ZNF385B: variants seen among roughly 807,000 people sequenced by gnomAD.
The protein encoded by ZNF385B is zinc finger protein 533.
Under a neutral mutation model 39.2 loss-of-function variants are expected in ZNF385B, and 23 were observed. The observed-to-expected ratio is 0.59, with a 90% CI of 0.42 to 0.83. The LOEUF is 0.83. Among genes scored for constraint, ZNF385B ranks in the 40% least tolerant of loss-of-function variants. The pLI is 0.00. For synonymous variants in ZNF385B, 205 were observed against 222.6 expected (o/e 0.92, Z 0.70); for missense variants, 552 against 598.9 (o/e 0.92, Z 0.82).
chr2:179,831,156 C>A (rs1707962456), intron 1 of ZNF385B, among the ~76,000 whole-genome samples: 1 of 152,130 alleles, frequency 6.6e-6, no homozygotes, highest in Non-Finnish European at 1.5e-5. Context: ...ATTGTATGGA[C>A]TTCCTTTTCC....
intron 1 of ZNF385B, among the ~76,000 whole-genome samples, chr2:179,792,192 T>C (rs1016537733): frequency 2.0e-5 from 3 of 152,142 alleles, no homozygotes; most frequent in Admixed American, 2.0e-4. Flanking sequence ...GATAACTCTA[T>C]GTTCTGTTAT....
chr2:179,585,665 A>G (rs1687006759), intron 3 of ZNF385B, among the ~76,000 whole-genome samples: 1 of 152,232 alleles, frequency 6.6e-6, no homozygotes, highest in South Asian at 2.1e-4. Context: ...TCTTGGAATA[A>G]TTGACTCATG....
chr2:179,446,377 A>T (rs1487419611), intron 7 of ZNF385B, 148 bp downstream of exon 7: 2 of 1,114,238 alleles, frequency 1.8e-6, no homozygotes, highest in African/African-American at 1.6e-5. Context: ...TCATATGATC[A>T]TACTTTTCTA....
chr2:179,561,141 A>G (rs541928665), intron 3 of ZNF385B, among the ~76,000 whole-genome samples: 1 of 152,316 alleles, frequency 6.6e-6, no homozygotes, highest in African/African-American at 2.4e-5. Flanking sequence ...TTTTACATAT[A>G]TTTTACACAC....
intron 3 of ZNF385B, among the ~76,000 whole-genome samples, chr2:179,736,031 TA>T (rs372732920): frequency 0.025 from 3,729 of 151,372 alleles, 64 homozygotes; most frequent in Non-Finnish European, 0.034. Context: ...AGTATAATAA[TA>T]AAAAAAAGCC....
intron 3 of ZNF385B, among the ~76,000 whole-genome samples, chr2:179,575,929 T>C (rs1368388844): frequency 6.6e-6 from 1 of 152,142 alleles, no homozygotes; most frequent in Non-Finnish European, 1.5e-5. Flanking sequence ...TCCTCAAGGG[T>C]TCATTTTAAA....
At chr2:179,548,137 T>C (rs1279395746) in intron 3 of ZNF385B, among the ~76,000 whole-genome samples, 2 of 149,798 alleles carry the variant, frequency 1.3e-5, no homozygotes, top group African/African-American at 5.0e-5. Flanking sequence ...CTTCAGTTTT[T>C]TCCAAATATA....
chr2:179,459,657 A>T lies in ZNF385B; in HGVS notation c.716-12887T>A, dbSNP rs1015580059. On this transcript the variant is annotated intron_variant, in intron 6 of 9. Transcript: ENST00000410066. ...TATATATACAAATGTATTTTAATTA[A>T]TTTAAATGTAAATCTTAATTTATAA... Among the ~76,000 whole-genome samples, 52 of 151,608 alleles carry T rather than the reference A, an allele frequency of 3.4e-4. 1 individual carries two copies. The highest frequency in any genetic ancestry group is 4.4e-5 in the Non-Finnish European group (3 of 67,908).
intron 4 of ZNF385B, among the ~76,000 whole-genome samples, chr2:179,538,998 T>C (rs2059752533): frequency 6.6e-6 from 1 of 152,256 alleles, no homozygotes; most frequent in Admixed American, 6.5e-5. Context: ...GTACACAATG[T>C]GCAGGTGCTA....
intron 3 of ZNF385B, among the ~76,000 whole-genome samples, chr2:179,566,659 A>G (rs966109909): frequency 1.3e-5 from 2 of 152,206 alleles, no homozygotes; most frequent in Admixed American, 6.5e-5. Context: ...TAAAGTCCAC[A>G]TATTTGAATT....
intron 1 of ZNF385B, among the ~76,000 whole-genome samples, chr2:179,855,388 CT>C (rs1179285580): frequency 6.6e-6 from 1 of 152,164 alleles, no homozygotes; most frequent in Admixed American, 6.5e-5. Flanking sequence ...GAATTTCAAT[CT>C]TTTTTACTTG....
intron 3 of ZNF385B, among the ~76,000 whole-genome samples, chr2:179,703,041 C>G (rs1699327312): frequency 6.6e-6 from 1 of 152,264 alleles, no homozygotes; most frequent in Non-Finnish European, 1.5e-5. Context: ...CTTTTCAACA[C>G]AGTAGCCAGG....
At chr2:179,678,125 A>C (rs1004625508) in intron 3 of ZNF385B, among the ~76,000 whole-genome samples, 35 of 152,302 alleles carry the variant, frequency 2.3e-4, no homozygotes, top group African/African-American at 8.4e-4. Context: ...AATATCTGTG[A>C]TTCCCTTCAC....
chr2:179,780,000 C>T (rs967011151), intron 1 of ZNF385B, among the ~76,000 whole-genome samples: 4 of 151,984 alleles, frequency 2.6e-5, no homozygotes, highest in Admixed American at 1.3e-4. Flanking sequence ...AATTGGTCTG[C>T]TGCTGGGGTT....
chr2:179,747,953 C>T (rs1372102973), intron 3 of ZNF385B, among the ~76,000 whole-genome samples: 1 of 152,038 alleles, frequency 6.6e-6, no homozygotes, highest in Non-Finnish European at 1.5e-5. Context: ...CACGTTTTCC[C>T]ATCAATATGA....
chr2:179,858,024 T>C (rs1684735998), intron 1 of ZNF385B, among the ~76,000 whole-genome samples: 1 of 152,148 alleles, frequency 6.6e-6, no homozygotes. Context: ...GGTTCTCTTT[T>C]GGGAAGCTTA....
intron 3 of ZNF385B, among the ~76,000 whole-genome samples, chr2:179,660,909 T>C (rs1297682601): frequency 1.3e-5 from 2 of 152,218 alleles, no homozygotes; most frequent in African/African-American, 4.8e-5. Context: ...TATTAGCATA[T>C]TTTAGCAATT....
At chr2:179,688,563 A>G (rs945034604) in intron 3 of ZNF385B, among the ~76,000 whole-genome samples, 1 of 152,108 alleles carries the variant, frequency 6.6e-6, no homozygotes, top group African/African-American at 2.4e-5. Flanking sequence ...TTGTTGAACT[A>G]TCTCCTTTGA....
intron 3 of ZNF385B, chr2:179,562,633 A>G: frequency 1.0e-6 from 1 of 976,058 alleles, no homozygotes; most frequent in Non-Finnish European, 1.2e-6. Context: ...GAGGGCAGAA[A>G]ACCTTCTGAT....
Sources: allele counts gnomAD v4.1 joint callset (sites outside exome capture counted in the v4.1 genomes callset), GRCh38; gene constraint gnomAD v4.1.1; transcripts MANE v1.5; gene names NCBI Gene and HGNC (gene_info 2026-07-23, HGNC 2026-07-21).